CAMKMT: variants seen among roughly 807,000 people sequenced by gnomAD.
CAMKMT encodes the protein CaM KMT.
Under a neutral mutation model 48.0 loss-of-function variants are expected in CAMKMT, and 53 were observed. That is an observed-to-expected ratio of 1.10 (90% CI 0.89 to 1.39). The LOEUF (loss-of-function observed/expected upper bound fraction) is 1.39, where lower values mean the gene tolerates loss of function less well. CAMKMT is among the 40% of genes most tolerant of loss of function. The pLI is 0.00. For synonymous variants in CAMKMT, 165 were observed against 152.3 expected, an observed-to-expected ratio of 1.08 and a Z score of -0.61; for missense variants, 428 against 402.7, an observed-to-expected ratio of 1.06 and a Z score of -0.54.
chr2:44,732,447 T>C (rs1288214568), intron 7 of CAMKMT, among the ~76,000 whole-genome samples: 1 of 152,270 alleles, frequency 6.6e-6, no homozygotes, highest in Non-Finnish European at 1.5e-5. Context: ...TGACATGATT[T>C]GATGTCTGGT....
chr2:44,434,125 A>C (rs966302191), intron 3 of CAMKMT, among the ~76,000 whole-genome samples: 1 of 152,180 alleles, frequency 6.6e-6, no homozygotes, highest in Non-Finnish European at 1.5e-5. Flanking sequence ...ATGGTAACAG[A>C]AGGATGGTAG....
At chr2:44,686,419 A>T (rs1001740822) in intron 3 of CAMKMT, among the ~76,000 whole-genome samples, 1 of 151,836 alleles carries the variant, frequency 6.6e-6, no homozygotes, top group African/African-American at 2.4e-5. Context: ...AAAACAAAAA[A>T]CAAACAAACA....
chr2:44,498,702 A>G (rs1336327028), intron 3 of CAMKMT, among the ~76,000 whole-genome samples: 1 of 152,220 alleles, frequency 6.6e-6, no homozygotes, highest in Non-Finnish European at 1.5e-5. Context: ...TTTGCTAAAC[A>G]AAGGAATTGT....
intron 3 of CAMKMT, among the ~76,000 whole-genome samples, chr2:44,573,585 T>C (rs1669041608): frequency 6.6e-6 from 1 of 152,128 alleles, no homozygotes; most frequent in Admixed American, 6.5e-5. Flanking sequence ...AGTTTTCATT[T>C]TGTAGTTTCC....
intron 3 of CAMKMT, among the ~76,000 whole-genome samples, chr2:44,575,023 T>C (rs1168185499): frequency 1.3e-5 from 2 of 152,040 alleles, no homozygotes; most frequent in Admixed American, 1.3e-4. Flanking sequence ...CCCAAAGTGC[T>C]GGGATTACAT....
chr2:44,371,352 C>T (rs181988534), intron 1 of CAMKMT, among the ~76,000 whole-genome samples: 104 of 152,298 alleles, frequency 6.8e-4, no homozygotes, highest in African/African-American at 2.5e-3. Context: ...TTCCTGGCCT[C>T]AAGCAGTCCT....
intron 3 of CAMKMT, among the ~76,000 whole-genome samples, chr2:44,528,093 C>G (rs983991504): frequency 6.6e-6 from 1 of 152,050 alleles, no homozygotes; most frequent in Admixed American, 6.6e-5. Flanking sequence ...TGCAGCAAAC[C>G]AGTTGGGAAG....
rs541077388 is a variant in CAMKMT at position 44,756,980 on chromosome 2, T to C, written c.762+2862T>C. Reference sequence around the variant, plus strand: ...GAAAAATCTGCATACAAACCCCAAGTCTACATTAACTACCTTGTCTCTCTG... The same window carrying C: ...GAAAAATCTGCATACAAACCCCAAGCCTACATTAACTACCTTGTCTCTCTG... On this transcript the variant is annotated intron_variant, in intron 9 of 10. Coordinates refer to ENST00000378494, the MANE Select transcript of CAMKMT (RefSeq NM_024766.5). 2.0e-5 allele frequency among the ~76,000 whole-genome samples: 3 copies of C among 152,238 alleles called. No individual in the cohort carries two copies. The South Asian group carries it at 6.2e-4, about 32-fold the overall frequency.
In CAMKMT at chr2:44,506,493, G is replaced by GT. The variant is rs1670267706; in HGVS notation, c.376+116189dup. The stretch of plus-strand genomic sequence containing the variant: ...CTGTTTTAAACATCTGGGGATAATA[G>GT]TGGTTGGTTTTAGTCAATATCTGTA... On this transcript the variant is annotated intron_variant, in intron 3 of 10. Transcript: ENST00000378494. Among the ~76,000 whole-genome samples, 3 of 152,254 alleles carry GT rather than the reference G, an allele frequency of 2.0e-5. No homozygotes were observed. The South Asian group carries it at 6.2e-4, about 32-fold the overall frequency.
At chr2:44,673,252 C>G (rs897156654) in intron 3 of CAMKMT, among the ~76,000 whole-genome samples, 29 of 151,536 alleles carry the variant, frequency 1.9e-4, no homozygotes, top group African/African-American at 6.8e-4. Context: ...ACAAGGAGAC[C>G]CCATCTCTAC....
chr2:44,529,544 T>C (rs2104822969), intron 3 of CAMKMT, among the ~76,000 whole-genome samples: 1 of 152,324 alleles, frequency 6.6e-6, no homozygotes, highest in South Asian at 2.1e-4. Context: ...TTCACCTTTA[T>C]ACAAGAAATC....
intron 3 of CAMKMT, among the ~76,000 whole-genome samples, chr2:44,565,616 C>T (rs1371326966): frequency 6.6e-6 from 1 of 150,504 alleles, no homozygotes; most frequent in African/African-American, 2.5e-5. Context: ...AGCTACAAAA[C>T]AAAACAAAAC....
chr2:44,515,918 G>A (rs1670809182), intron 3 of CAMKMT, among the ~76,000 whole-genome samples: 1 of 152,192 alleles, frequency 6.6e-6, no homozygotes, highest in East Asian at 1.9e-4. Context: ...AGCACAAGCA[G>A]TTGCATCTAT....
At chr2:44,568,271 C>T (rs976434039) in intron 3 of CAMKMT, among the ~76,000 whole-genome samples, 1 of 152,176 alleles carries the variant, frequency 6.6e-6, no homozygotes, top group Non-Finnish European at 1.5e-5. Context: ...TTCATCAGTG[C>T]ATTTGCTTGG....
At chr2:44,556,462 T>TAAAGGA (rs1356090739) in intron 3 of CAMKMT, among the ~76,000 whole-genome samples, 30 of 47,944 alleles carry the variant, frequency 6.3e-4, no homozygotes, top group African/African-American at 1.3e-3. Context: ...TTTTTTTTTT[T>TAAAGGA]TTTTTTTTTT....
intron 3 of CAMKMT, among the ~76,000 whole-genome samples, chr2:44,642,031 A>G (rs1333796778): frequency 6.6e-6 from 1 of 152,188 alleles, no homozygotes; most frequent in Non-Finnish European, 1.5e-5. Context: ...ACTATTCTGA[A>G]AGGCTTGTAT....
intron 8 of CAMKMT, among the ~76,000 whole-genome samples, chr2:44,746,680 T>G (rs1340873707): frequency 6.6e-6 from 1 of 152,230 alleles, no homozygotes; most frequent in Non-Finnish European, 1.5e-5. Flanking sequence ...TGCAAAAGGA[T>G]GCTATTGACA....
intron 3 of CAMKMT, among the ~76,000 whole-genome samples, chr2:44,613,375 C>G (rs1035829537): frequency 6.6e-6 from 1 of 152,132 alleles, no homozygotes; most frequent in African/African-American, 2.4e-5. Context: ...CTCCAGATCT[C>G]CCTGTGACCC....
chr2:44,584,981 C>T lies in CAMKMT; in HGVS notation c.377-119302C>T, dbSNP rs569771085. ...GAGGCAGGAGAATGACATGAACCCACGAGGCGGAGGTTGCAGTGAGCCGAG... is the reference window on the plus strand; with the variant it reads ...GAGGCAGGAGAATGACATGAACCCATGAGGCGGAGGTTGCAGTGAGCCGAG... On this transcript the variant is annotated intron_variant, in intron 3 of 10. Transcript: ENST00000378494. 2.6e-5 allele frequency among the ~76,000 whole-genome samples: 4 copies of T among 151,058 alleles called. No homozygotes were observed. In the South Asian group the frequency reaches 6.3e-4, roughly 24 times the overall value.
Sources: allele counts gnomAD v4.1 joint callset (sites outside exome capture counted in the v4.1 genomes callset), GRCh38; gene constraint gnomAD v4.1.1; transcripts MANE v1.5; gene names NCBI Gene and HGNC (gene_info 2026-07-23, HGNC 2026-07-21).